ITPK1: variants seen among roughly 807,000 people sequenced by gnomAD.
ITPK1 encodes inositol-tetrakisphosphate 1-kinase.
Under a neutral mutation model 45.3 loss-of-function variants are expected in ITPK1, and 21 were observed. The observed-to-expected ratio is 0.46, with a 90% CI of 0.33 to 0.67. The LOEUF (loss-of-function observed/expected upper bound fraction) is 0.67. ITPK1 is among the 30% of genes least tolerant of loss of function. ITPK1 has a pLI of 0.02. For synonymous variants in ITPK1, 258 were observed against 253.6 expected, an observed-to-expected ratio of 1.02 and a Z score of -0.16; for missense variants, 474 against 573.5, an observed-to-expected ratio of 0.83 and a Z score of 1.77.
At chr14:93,008,609 C>T (rs961474141) in intron 4 of ITPK1, among the ~76,000 whole-genome samples, 8 of 152,172 alleles carry the variant, frequency 5.3e-5, no homozygotes, top group Admixed American at 2.6e-4. Context: ...CCCAGAGGGC[C>T]GAGGTCAGCA....
chr14:92,999,299 G>A (rs1199381638), intron 4 of ITPK1, among the ~76,000 whole-genome samples: 1 of 152,228 alleles, frequency 6.6e-6, no homozygotes, highest in African/African-American at 2.4e-5. Flanking sequence ...GGGTGGCAGG[G>A]TTTCTCCCCA....
intron 9 of ITPK1, among the ~76,000 whole-genome samples, chr14:92,949,168 A>C (rs372165104): frequency 9.9e-5 from 15 of 150,798 alleles, no homozygotes; most frequent in Admixed American, 4.6e-4. Flanking sequence ...ATCACAACTC[A>C]CCGCAGCCTC....
At chr14:93,080,639 G>A (rs1360987441) in intron 2 of ITPK1, among the ~76,000 whole-genome samples, 2 of 152,192 alleles carry the variant, frequency 1.3e-5, no homozygotes, top group Non-Finnish European at 2.9e-5. Context: ...TGTGGCCACG[G>A]GGCTGTGGTT....
rs1351165347 is a variant in ITPK1, at chr14:93,019,173, G to A, written c.121-2372C>T. Among the ~76,000 whole-genome samples the A allele has an allele frequency of 6.6e-5, 10 of 152,310 alleles. No individual in the cohort carries two copies. The South Asian group carries it at 1.2e-3, about 19-fold the overall frequency. On this transcript the variant is annotated intron_variant, in intron 3 of 10. Transcript: ENST00000267615. ...ACGAGAGGCCAAGACAGCTACGAGC[G>A]CAGGGGGAGCCGGGCCACAGGAGCG...
chr14:93,060,337 C>T (rs933546977), intron 3 of ITPK1, among the ~76,000 whole-genome samples: 6 of 152,194 alleles, frequency 3.9e-5, no homozygotes. Flanking sequence ...CTGCTTCCTG[C>T]AAGCTCCCTG....
intron 8 of ITPK1, among the ~76,000 whole-genome samples, chr14:92,952,605 T>C (rs1888010289): frequency 1.3e-5 from 2 of 152,146 alleles, no homozygotes; most frequent in African/African-American, 4.8e-5. Flanking sequence ...CACAGCACAA[T>C]TTCTCTTTGG....
chr14:92,952,946 A>G (rs1190809710), intron 8 of ITPK1, among the ~76,000 whole-genome samples: 1 of 152,216 alleles, frequency 6.6e-6, no homozygotes, highest in Non-Finnish European at 1.5e-5. Context: ...GACTTCCCCC[A>G]AGGCTGGCAC....
chr14:93,057,431 C>T (rs1394542847), intron 3 of ITPK1, among the ~76,000 whole-genome samples: 1 of 152,248 alleles, frequency 6.6e-6, no homozygotes. Flanking sequence ...CACACTTGCT[C>T]ACTCCTACTC....
intron 5 of ITPK1, among the ~76,000 whole-genome samples, chr14:92,972,421 G>C (rs903258826): frequency 6.6e-6 from 1 of 152,008 alleles, no homozygotes; most frequent in African/African-American, 2.4e-5. Context: ...GGGAGATGAG[G>C]GCCATCCGCA....
At position 93,034,172 on chromosome 14, in the gene ITPK1, C is replaced by A. The variant is rs1595155796; in HGVS notation, c.121-17371G>T. ...CACCTTCCTCCCAGGTGCCCTCCCC[C>A]ACATCCTGCCCCCAGCACACTGAAC... is the stretch of plus-strand genomic sequence containing the variant. On this transcript the variant is annotated intron_variant, in intron 3 of 10. Transcript: ENST00000267615. This position sits in a 1 kb window ranked among gnomAD's most constrained non-coding sequence, Gnocchi z 4.1. Among the ~76,000 whole-genome samples the A allele has an allele frequency of 6.6e-6, 1 of 151,990 alleles. No individual in the cohort carries two copies. Among genetic ancestry groups the A allele is most frequent in the East Asian group, 1.9e-4 (1 of 5,164 alleles).
chr14:92,986,487 C>G (rs912814016), intron 5 of ITPK1, among the ~76,000 whole-genome samples: 5 of 152,170 alleles, frequency 3.3e-5, no homozygotes, highest in Admixed American at 3.3e-4. Context: ...AGCAGCAGTG[C>G]CCTAGAAAAG....
intron 7 of ITPK1, among the ~76,000 whole-genome samples, chr14:92,959,105 C>G (rs892611818): frequency 2.0e-5 from 3 of 152,188 alleles, no homozygotes; most frequent in African/African-American, 7.2e-5. Flanking sequence ...GGAAAAAGGT[C>G]CCTGACAGGA....
intron 5 of ITPK1, among the ~76,000 whole-genome samples, chr14:92,983,478 A>G (rs1257181928): frequency 1.3e-5 from 2 of 152,202 alleles, no homozygotes; most frequent in African/African-American, 4.8e-5. Flanking sequence ...TCTTCATACA[A>G]AAAGGGATCT....
intron 4 of ITPK1, among the ~76,000 whole-genome samples, chr14:93,003,519 A>G (rs562090275): frequency 6.6e-6 from 1 of 152,338 alleles, no homozygotes; most frequent in Admixed American, 6.5e-5. Context: ...CCAGGCTGGC[A>G]TAGGGTTGGA....
intron 2 of ITPK1, among the ~76,000 whole-genome samples, chr14:93,097,010 A>T (rs2140015676): frequency 6.6e-6 from 1 of 152,332 alleles, no homozygotes; most frequent in South Asian, 2.1e-4. Context: ...CACACAGCGG[A>T]CACTTCGAAA....
intron 9 of ITPK1, among the ~76,000 whole-genome samples, chr14:92,946,707 T>C (rs1887709061): frequency 6.6e-6 from 1 of 152,228 alleles, no homozygotes; most frequent in South Asian, 2.1e-4. Context: ...CATTACCTCC[T>C]GTGGGCTCAT....
At position 93,003,118 on chromosome 14, in the gene ITPK1, C is replaced by T. The variant is rs147047000; in HGVS notation, c.247-9121G>A. 4.8e-3 allele frequency among the ~76,000 whole-genome samples: 730 copies of T among 152,298 alleles called. 7 individuals are homozygous for T. The highest frequency in any genetic ancestry group is 0.016 in the African/African-American group (655 of 41,562). On this transcript the variant is annotated intron_variant, in intron 4 of 10. Coordinates refer to ENST00000267615, the MANE Select transcript of ITPK1 (RefSeq NM_014216.6). ...CACAGGAGGGCTCCCAAGGCAGCTG[C>T]TGAATGGAGTGGCCCCTGCAGGGGG...
At chr14:93,058,045 G>C (rs1357233038) in intron 3 of ITPK1, among the ~76,000 whole-genome samples, 2 of 152,278 alleles carry the variant, frequency 1.3e-5, no homozygotes, top group Non-Finnish European at 1.5e-5. Flanking sequence ...AGAGGTCAAA[G>C]ACTTGGTCAT....
chr14:93,020,192 G>A lies in ITPK1; in HGVS notation c.121-3391C>T, dbSNP rs560116560. ...AGAGGTGGGGGCAGGGCTGGGAGAC[G>A]GCACAAAGGCCTGCAAACCCCAGTG... On this transcript the variant is annotated intron_variant, in intron 3 of 10. Coordinates refer to ENST00000267615, the MANE Select transcript of ITPK1 (RefSeq NM_014216.6). 1.9e-3 allele frequency among the ~76,000 whole-genome samples: 292 copies of A among 152,320 alleles called. 1 individual carries two copies. Among genetic ancestry groups the A allele is most frequent in the Admixed American group, 3.1e-3 (48 of 15,308 alleles).
Sources: allele counts gnomAD v4.1 joint callset (sites outside exome capture counted in the v4.1 genomes callset), GRCh38; gene constraint gnomAD v4.1.1; non-coding constraint Gnocchi (gnomAD v3.1); transcripts MANE v1.5; gene names NCBI Gene and HGNC (gene_info 2026-07-23, HGNC 2026-07-21).